The following MTMR12 variants were observed in gnomAD, a reference collection of about 807,000 sequenced individuals.
The protein encoded by MTMR12 is myotubularin-related protein 12.
MTMR12 carries 33 observed loss-of-function variants against 96.7 expected under a neutral mutation model. The observed-to-expected ratio is 0.34, with a 90% CI of 0.26 to 0.46. The LOEUF (loss-of-function observed/expected upper bound fraction) is 0.46. MTMR12 is among the 20% of genes least tolerant of loss of function. The pLI, the probability that MTMR12 is intolerant of heterozygous loss-of-function variation, is 1.00. For synonymous variants in MTMR12, 298 were observed against 327.2 expected, an observed-to-expected ratio of 0.91 and a Z score of 0.96; for missense variants, 721 against 896.1, an observed-to-expected ratio of 0.80 and a Z score of 2.49.
intron 8 of MTMR12, among the ~76,000 whole-genome samples, chr5:32,254,391 A>G (rs573061622): frequency 1.1e-3 from 165 of 152,322 alleles, no homozygotes; most frequent in Non-Finnish European, 2.1e-3. Flanking sequence ...TGCTCACTGT[A>G]TTCTTCACTG....
At chr5:32,254,771 G>A (rs1482437188) in intron 8 of MTMR12, among the ~76,000 whole-genome samples, 1 of 152,118 alleles carries the variant, frequency 6.6e-6, no homozygotes, top group African/African-American at 2.4e-5. Context: ...TTGAACTTGG[G>A]AGGCAGAGGC....
At chr5:32,256,267 C>T (rs945871235) in intron 7 of MTMR12, among the ~76,000 whole-genome samples, 3 of 152,174 alleles carry the variant, frequency 2.0e-5, no homozygotes, top group Non-Finnish European at 4.4e-5. Context: ...TTACTTAACA[C>T]CTCTTATCTA....
chr5:32,239,280 A>G (rs1748365451), intron 12 of MTMR12, 107 bp from the exon 13 acceptor site: 3 of 1,148,462 alleles, frequency 2.6e-6, no homozygotes, highest in Non-Finnish European at 3.5e-6. Context: ...CCCAACACCA[A>G]GGTCTACTAT....
chr5:32,311,783 TC>T (rs1284981169), intron 1 of MTMR12, among the ~76,000 whole-genome samples: 1 of 152,076 alleles, frequency 6.6e-6, no homozygotes, highest in Non-Finnish European at 1.5e-5. Flanking sequence ...TCAGACACAC[TC>T]CCACCTCACG....
intron 14 of MTMR12, chr5:32,234,730 A>C (rs562112545): frequency 2.7e-6 from 1 of 367,510 alleles, no homozygotes; most frequent in African/African-American, 2.0e-5. Flanking sequence ...CTCTTAGACC[A>C]ATGCTTGGTA....
intron 1 of MTMR12, among the ~76,000 whole-genome samples, chr5:32,293,474 C>T (rs1750816424): frequency 6.6e-6 from 1 of 152,142 alleles, no homozygotes; most frequent in Admixed American, 6.5e-5. Flanking sequence ...CTCTGACTGG[C>T]TCTCCTTGCT....
chr5:32,228,147 C>T lies in MTMR12; in HGVS notation c.*1631G>A, dbSNP rs553353102. 5 of 152,318 alleles carry T rather than the reference C, an allele frequency of 3.3e-5. No individual in the cohort carries two copies. In the East Asian group the frequency reaches 9.6e-4, roughly 29 times the overall value. The allele number at this position is 152,318 out of a possible 1,614,324, so 9.4% of individuals were successfully genotyped here. ...AGTAGCTGGGACTACAGGCATGCAC[C>T]ACCACACCCAGCTAATTTTTGTATT... On this transcript the variant is annotated 3_prime_UTR_variant, in exon 16 of 16. Transcript: ENST00000382142.
chr5:32,298,728 C>T (rs1751016756), intron 1 of MTMR12, among the ~76,000 whole-genome samples: 3 of 151,816 alleles, frequency 2.0e-5, no homozygotes, highest in Admixed American at 6.6e-5. Context: ...GCGGGCGGAT[C>T]ATGAGGTCAG....
chr5:32,297,323 C>G (rs1384360754), intron 1 of MTMR12, among the ~76,000 whole-genome samples: 1 of 152,194 alleles, frequency 6.6e-6, no homozygotes, highest in Non-Finnish European at 1.5e-5. Context: ...CTCAATCCCT[C>G]TGTTTACATT....
intron 15 of MTMR12, among the ~76,000 whole-genome samples, chr5:32,232,135 C>T (rs573418158): frequency 6.6e-5 from 10 of 152,306 alleles, no homozygotes; most frequent in East Asian, 3.9e-4. Context: ...CCCGGGCCTG[C>T]GGCTGACACC....
intron 10 of MTMR12, among the ~76,000 whole-genome samples, chr5:32,246,935 T>C (rs1029626691): frequency 6.6e-6 from 1 of 152,224 alleles, no homozygotes; most frequent in African/African-American, 2.4e-5. Flanking sequence ...AGTTTTGGAA[T>C]TCATGTGTAG....
rs112697164 is a variant in MTMR12 at position 32,292,102 on chromosome 5, T to C, written c.82-15360A>G. ...CATGGAATTCACTGGTCTTACCATG[T>C]TCCCTATCATCCTGAAGCAGCTGGA... On this transcript the variant is annotated intron_variant, in intron 1 of 15. Transcript: ENST00000382142. Among the ~76,000 whole-genome samples the C allele has an allele frequency of 5.4e-3, 815 of 152,330 alleles. 11 individuals carry two copies. The highest frequency in any genetic ancestry group is 0.019 in the African/African-American group (797 of 41,564).
chr5:32,258,423 G>T (rs1749225092), intron 7 of MTMR12, among the ~76,000 whole-genome samples: 3 of 152,310 alleles, frequency 2.0e-5, no homozygotes, highest in African/African-American at 7.2e-5. Flanking sequence ...AATCAAGTGG[G>T]AAGATTAAAA....
chr5:32,229,230 G>A lies in MTMR12; in HGVS notation c.*548C>T, dbSNP rs1175776015. ...TGGATGACACCAGTGGAACTTCCCA[G>A]GTGTTTTACAGGCAAGGGGGCGTAG... On this transcript the variant is annotated 3_prime_UTR_variant, in exon 16 of 16. Transcript: ENST00000382142. 1 of 152,196 alleles carries A rather than the reference G, an allele frequency of 6.6e-6. No individual in the cohort carries two copies. The highest frequency in any genetic ancestry group is 2.4e-5 in the African/African-American group (1 of 41,418). The allele number at this position is 152,196 out of a possible 1,614,324, so 9.4% of individuals were successfully genotyped here. A position where few individuals can be genotyped will look rare whatever the true frequency, so the allele number is the denominator to read the frequency against.
intron 3 of MTMR12, 41 bp from the exon 4 acceptor site, chr5:32,271,946 A>G (rs1233062272): frequency 8.3e-7 from 1 of 1,201,038 alleles, no homozygotes; most frequent in Non-Finnish European, 1.2e-6. Flanking sequence ...TCCTCTGCAT[A>G]CTGTTAGACA....
At chr5:32,237,810 CCT>C (rs1444592341) in intron 13 of MTMR12, among the ~76,000 whole-genome samples, 6 of 151,688 alleles carry the variant, frequency 4.0e-5, no homozygotes, top group African/African-American at 1.5e-4. Flanking sequence ...GTGCCTGGCC[CCT>C]GTGCTTTATT....
intron 1 of MTMR12, among the ~76,000 whole-genome samples, chr5:32,297,843 A>C (rs1750986175): frequency 6.6e-6 from 1 of 152,296 alleles, no homozygotes; most frequent in Non-Finnish European, 1.5e-5. Context: ...GATCTCACCA[A>C]ACAGTTAACT....
chr5:32,230,793 T>G (rs1401504556), intron 15 of MTMR12, among the ~76,000 whole-genome samples: 1 of 152,266 alleles, frequency 6.6e-6, no homozygotes, highest in East Asian at 1.9e-4. Flanking sequence ...TGTTAACCAC[T>G]ACAATCTTCT....
intron 1 of MTMR12, among the ~76,000 whole-genome samples, chr5:32,298,877 C>T (rs555910421): frequency 4.7e-5 from 7 of 148,806 alleles, no homozygotes; most frequent in African/African-American, 1.2e-4. Flanking sequence ...GGCACGAACC[C>T]GGGAGGCGGA....
Sources: gnomAD v4.1 joint callset for allele counts (sites outside exome capture counted in the v4.1 genomes callset) on GRCh38, gnomAD v4.1.1 for gene constraint, MANE v1.5 for transcripts, NCBI Gene and HGNC (gene_info 2026-07-23, HGNC 2026-07-21) for gene names.